The following ERC1 variants were observed in gnomAD, a reference collection of about 807,000 sequenced individuals.
ERC1 encodes the protein ELKS/RAB6-interacting/CAST family member 1.
In ERC1, 56 loss-of-function variants were observed where a neutral mutation model predicts 132.0. The ratio of observed to expected loss-of-function variants is 0.42; its 90% CI spans 0.34 to 0.53. The LOEUF is 0.53. Ranked by LOEUF, ERC1 falls within the 20% of genes least tolerant of loss-of-function variation. The pLI is 0.03. For synonymous variants in ERC1, 478 were observed against 476.1 expected (o/e 1.00, Z -0.05); for missense variants, 1,202 against 1,349.9 (o/e 0.89, Z 1.72).
chr12:1,438,916 T>C (rs960207003), intron 17 of ERC1, among the ~76,000 whole-genome samples: 6 of 150,958 alleles, frequency 4.0e-5, no homozygotes, highest in African/African-American at 1.5e-4. Context: ...CACTCCAGTC[T>C]GGGTGACAAA....
At chr12:1,418,544 C>T (rs1440950229) in intron 17 of ERC1, among the ~76,000 whole-genome samples, 3 of 152,014 alleles carry the variant, frequency 2.0e-5, no homozygotes, top group Admixed American at 6.6e-5. Flanking sequence ...ACACAGATTT[C>T]CTTCTTTTCT....
intron 18 of ERC1, among the ~76,000 whole-genome samples, chr12:1,462,449 AG>A (rs1196858363): frequency 5.3e-5 from 8 of 152,262 alleles, no homozygotes; most frequent in Admixed American, 5.2e-4. Context: ...ACAGGAGAAT[AG>A]GTATTTTTAA....
At chr12:1,483,369 T>G (rs1469413934) in intron 18 of ERC1, among the ~76,000 whole-genome samples, 3 of 152,200 alleles carry the variant, frequency 2.0e-5, no homozygotes, top group Non-Finnish European at 4.4e-5. Context: ...TAATGTAATG[T>G]TTTTATATAC....
intron 15 of ERC1, among the ~76,000 whole-genome samples, chr12:1,358,865 TG>T (rs2085795007): frequency 6.6e-6 from 1 of 152,266 alleles, no homozygotes; most frequent in Admixed American, 6.5e-5. Flanking sequence ...GTTCGCACTC[TG>T]GATTGATTTT....
At chr12:1,103,239 C>CA (rs1407504762) in intron 3 of ERC1, among the ~76,000 whole-genome samples, 1 of 152,148 alleles carries the variant, frequency 6.6e-6, no homozygotes, top group Non-Finnish European at 1.5e-5. Context: ...GCTTAAGGAT[C>CA]AGGAGCATGC....
rs1454015248 is a variant in ERC1 at position 1,336,891 on chromosome 12, G to A, written c.2781-34942G>A. ...CGGCTCACTGCAACCTCCGCCTCACGGGTTCAAGCAATTCTCCTGCCTCAG... is the reference window on the plus strand; with the variant it reads ...CGGCTCACTGCAACCTCCGCCTCACAGGTTCAAGCAATTCTCCTGCCTCAG... On this transcript the variant is annotated intron_variant, in intron 15 of 18. Transcript: ENST00000360905. 2.6e-5 allele frequency among the ~76,000 whole-genome samples: 4 copies of A among 151,908 alleles called. No individual in the cohort carries two copies. The South Asian group carries it at 6.2e-4, about 24-fold the overall frequency.
intron 15 of ERC1, among the ~76,000 whole-genome samples, chr12:1,355,735 G>A (rs921451678): frequency 2.6e-5 from 4 of 152,138 alleles, no homozygotes; most frequent in Non-Finnish European, 4.4e-5. Flanking sequence ...AGACAGAATG[G>A]TATTTTGGGA....
At chr12:1,223,570 G>A (rs1370741810) in intron 12 of ERC1, among the ~76,000 whole-genome samples, 1 of 152,176 alleles carries the variant, frequency 6.6e-6, no homozygotes, top group Non-Finnish European at 1.5e-5. Flanking sequence ...ACCACATTTT[G>A]TAAAACTTCT....
At chr12:1,344,453 C>G (rs1212491420) in intron 15 of ERC1, among the ~76,000 whole-genome samples, 1 of 152,146 alleles carries the variant, frequency 6.6e-6, no homozygotes, top group African/African-American at 2.4e-5. Context: ...AGACTGGAAC[C>G]ACATGAAGGC....
intron 1 of ERC1, among the ~76,000 whole-genome samples, chr12:1,006,494 C>A (rs1280409005): frequency 2.0e-5 from 3 of 152,046 alleles, no homozygotes; most frequent in Admixed American, 2.0e-4. Flanking sequence ...AGTGATCTAC[C>A]CACCTTGCCT....
intron 4 of ERC1, among the ~76,000 whole-genome samples, chr12:1,105,186 C>A (rs1419967735): frequency 6.6e-6 from 1 of 152,066 alleles, no homozygotes; most frequent in Non-Finnish European, 1.5e-5. Flanking sequence ...AGTTTTCTTT[C>A]AAGTAAAAAT....
intron 3 of ERC1, among the ~76,000 whole-genome samples, chr12:1,101,821 T>C (rs1057242300): frequency 1.6e-4 from 25 of 152,174 alleles, no homozygotes; most frequent in Admixed American, 1.1e-3. Context: ...CTATTTTGGA[T>C]GGTTATTTGT....
chr12:1,344,912 T>G (rs2084292074), intron 15 of ERC1, among the ~76,000 whole-genome samples: 1 of 152,212 alleles, frequency 6.6e-6, no homozygotes, highest in Non-Finnish European at 1.5e-5. Context: ...CTTGTGTATT[T>G]TAGTGCTCCT....
At chr12:1,405,668 A>G (rs913355482) in intron 16 of ERC1, among the ~76,000 whole-genome samples, 9 of 152,156 alleles carry the variant, frequency 5.9e-5, no homozygotes, top group African/African-American at 1.9e-4. Flanking sequence ...ACGCCATTGC[A>G]CTCCAGTCTG....
chr12:1,262,223 C>G (rs1269744648), intron 13 of ERC1, among the ~76,000 whole-genome samples: 1 of 152,224 alleles, frequency 6.6e-6, no homozygotes, highest in East Asian at 1.9e-4. Context: ...CTATAATAAC[C>G]TGATGACTGC....
In ERC1 at chr12:1,132,929, C is replaced by T. The variant is rs191834347; in HGVS notation, c.1570-8691C>T. On this transcript the variant is annotated intron_variant, in intron 7 of 18. Transcript: ENST00000360905. The stretch of plus-strand genomic sequence containing the variant: ...GGAGTGCAGTGGCACAATCTTGGCT[C>T]ACTGCAACCTCCGCCTCCTAGGTTC... Among the ~76,000 whole-genome samples the T allele has an allele frequency of 2.0e-5, 3 of 151,836 alleles. No homozygotes were observed. In the East Asian group the frequency reaches 5.8e-4, roughly 29 times the overall value.
At chr12:1,074,155 C>T (rs1940944801) in intron 2 of ERC1, among the ~76,000 whole-genome samples, 2 of 152,170 alleles carry the variant, frequency 1.3e-5, no homozygotes, top group African/African-American at 4.8e-5. Context: ...AGCCACCATG[C>T]CTGGCCTGTG....
At chr12:1,271,421 A>G (rs1471797038) in intron 14 of ERC1, among the ~76,000 whole-genome samples, 1 of 152,248 alleles carries the variant, frequency 6.6e-6, no homozygotes, top group Non-Finnish European at 1.5e-5. Flanking sequence ...TGGTTGGCCA[A>G]CTGGGAGAAT....
intron 12 of ERC1, among the ~76,000 whole-genome samples, chr12:1,200,748 T>C (rs993019609): frequency 6.6e-6 from 1 of 152,080 alleles, no homozygotes; most frequent in Non-Finnish European, 1.5e-5. Flanking sequence ...TTAGTAGAGA[T>C]GGGGTTTCAC....
Sources: allele counts gnomAD v4.1 joint callset (sites outside exome capture counted in the v4.1 genomes callset), GRCh38; gene constraint gnomAD v4.1.1; transcripts MANE v1.5; gene names NCBI Gene and HGNC (gene_info 2026-07-23, HGNC 2026-07-21).